The following PRKCA variants were observed in gnomAD, a reference collection of about 807,000 sequenced individuals.
PRKCA encodes the protein protein kinase C alpha.
PRKCA carries 27 observed loss-of-function variants against 87.0 expected under a neutral mutation model. The observed-to-expected ratio is 0.31, with a 90% CI of 0.23 to 0.43. The LOEUF is 0.43. Ranked by LOEUF, PRKCA falls within the 20% of genes least tolerant of loss-of-function variation. The pLI is 1.00. For synonymous variants in PRKCA, 329 were observed against 311.1 expected (o/e 1.06, Z -0.61); for missense variants, 518 against 852.3 (o/e 0.61, Z 4.88).
chr17:66,338,102 G>A (rs1306865769), intron 2 of PRKCA, among the ~76,000 whole-genome samples: 1 of 142,296 alleles, frequency 7.0e-6, no homozygotes, highest in African/African-American at 3.0e-5. Context: ...CTTGCTGAAT[G>A]ATTTCCTAAG....
At chr17:66,717,083 A>G (rs1160678997) in intron 8 of PRKCA, among the ~76,000 whole-genome samples, 1 of 152,192 alleles carries the variant, frequency 6.6e-6, no homozygotes, top group Non-Finnish European at 1.5e-5. Context: ...TGAGATTCTT[A>G]ATTGTCGCTG....
At chr17:66,467,239 G>T (rs1397758023) in intron 2 of PRKCA, among the ~76,000 whole-genome samples, 1 of 152,160 alleles carries the variant, frequency 6.6e-6, no homozygotes, top group Non-Finnish European at 1.5e-5. Flanking sequence ...CCAATACCAT[G>T]AGTGGTTAAA....
At chr17:66,480,955 A>G (rs1915752007) in intron 2 of PRKCA, among the ~76,000 whole-genome samples, 1 of 151,878 alleles carries the variant, frequency 6.6e-6, no homozygotes, top group Non-Finnish European at 1.5e-5. Context: ...CTCCGTCTCC[A>G]TAGTTTGCAT....
chr17:66,494,628 G>T (rs547065366), intron 2 of PRKCA, among the ~76,000 whole-genome samples: 1 of 152,280 alleles, frequency 6.6e-6, no homozygotes, highest in South Asian at 2.1e-4. Flanking sequence ...ACCACAGCAT[G>T]CAGTAAAGAC....
chr17:66,528,619 G>T (rs1048841571), intron 3 of PRKCA, among the ~76,000 whole-genome samples: 1 of 152,104 alleles, frequency 6.6e-6, no homozygotes, highest in Non-Finnish European at 1.5e-5. Flanking sequence ...AGGGGCCCCC[G>T]GAACTCTGCG....
intron 3 of PRKCA, among the ~76,000 whole-genome samples, chr17:66,522,266 A>G (rs1478225749): frequency 1.3e-5 from 2 of 152,254 alleles, no homozygotes. Flanking sequence ...GAACCTGACT[A>G]TGGCAGGATG....
chr17:66,553,428 T>G (rs1038846537), intron 3 of PRKCA, among the ~76,000 whole-genome samples: 1 of 152,200 alleles, frequency 6.6e-6, no homozygotes, highest in Non-Finnish European at 1.5e-5. Context: ...GCTCTCCTAC[T>G]GACGTTTTGG....
intron 3 of PRKCA, among the ~76,000 whole-genome samples, chr17:66,545,580 T>G (rs1266173776): frequency 6.6e-6 from 1 of 152,192 alleles, no homozygotes; most frequent in Non-Finnish European, 1.5e-5. Flanking sequence ...GCTAGATTAC[T>G]AGAGCTAAAA....
intron 2 of PRKCA, among the ~76,000 whole-genome samples, chr17:66,475,216 C>G (rs9898800): frequency 0.04 from 6,032 of 152,142 alleles, 354 homozygotes; most frequent in African/African-American, 0.13. Flanking sequence ...GGGCTTGGAA[C>G]CCTGAACCGT....
Position 66,441,674 on chromosome 17 carries a change from G to A in PRKCA, c.206-54527G>A, listed in dbSNP as rs180718005. Reference sequence around the variant, plus strand: ...GTGATCCCCTTTCTAAAGGAGGCACGGATAGCTGCTGTGCGGTTTTTTCAA... The same window carrying A: ...GTGATCCCCTTTCTAAAGGAGGCACAGATAGCTGCTGTGCGGTTTTTTCAA... On this transcript the variant is annotated intron_variant, in intron 2 of 16. Transcript: ENST00000413366. Among the ~76,000 whole-genome samples the A allele has an allele frequency of 1.3e-4, 20 of 152,258 alleles. No homozygotes were observed. In the East Asian group the frequency reaches 1.4e-3, roughly 10 times the overall value.
intron 3 of PRKCA, among the ~76,000 whole-genome samples, chr17:66,592,728 A>G (rs1193320353): frequency 6.6e-6 from 1 of 152,256 alleles, no homozygotes; most frequent in East Asian, 1.9e-4. Context: ...ACTGTGATGC[A>G]GTTGAATTAT....
At chr17:66,683,598 C>G (rs1241691327) in intron 5 of PRKCA, among the ~76,000 whole-genome samples, 2 of 151,716 alleles carry the variant, frequency 1.3e-5, no homozygotes, top group African/African-American at 4.8e-5. Context: ...GACTCCATAT[C>G]TTTTTTTGGG....
At chr17:66,399,802 G>A (rs1159789696) in intron 2 of PRKCA, among the ~76,000 whole-genome samples, 2 of 152,116 alleles carry the variant, frequency 1.3e-5, no homozygotes, top group African/African-American at 2.4e-5. Context: ...CCTTTTCAGG[G>A]CTGAATAATA....
chr17:66,552,389 G>T (rs1011876388), intron 3 of PRKCA, among the ~76,000 whole-genome samples: 1 of 152,110 alleles, frequency 6.6e-6, no homozygotes, highest in Admixed American at 6.5e-5. Context: ...TTATTTTCTC[G>T]CAGTTTCTGT....
chr17:66,496,194 C>T lies in PRKCA; in HGVS notation c.206-7C>T. On this transcript the variant is annotated splice_polypyrimidine_tract_variant and splice_region_variant and intron_variant, in intron 2 of 16. Coordinates refer to ENST00000413366, the MANE Select transcript of PRKCA (RefSeq NM_002737.3). ...ATTCTAATTTTAGTTTCCTTTTTCT[C>T]TACCAGTTTGCTGTTTTGTGGTCCA... 1 of 1,610,872 alleles carries T rather than the reference C, an allele frequency of 6.2e-7. No individual in the cohort carries two copies.
At chr17:66,457,792 G>A (rs1161826609) in intron 2 of PRKCA, among the ~76,000 whole-genome samples, 1 of 152,112 alleles carries the variant, frequency 6.6e-6, no homozygotes, top group African/African-American at 2.4e-5. Context: ...CCTCAGCCCT[G>A]CGGAACTGTG....
At chr17:66,615,915 C>T (rs1053564353) in intron 3 of PRKCA, among the ~76,000 whole-genome samples, 4 of 152,186 alleles carry the variant, frequency 2.6e-5, no homozygotes, top group Non-Finnish European at 5.9e-5. Context: ...AGGTGGATCT[C>T]TGGGACCTCT....
Position 66,803,842 on chromosome 17 carries a change from ACCTTTCCTT to A in PRKCA, c.1855-29_1855-21del. 6.2e-7 allele frequency: 1 copy of A among 1,609,316 alleles called. No individual in the cohort carries two copies. The highest frequency in any genetic ancestry group is 8.5e-7 in the Non-Finnish European group (1 of 1,176,836). On this transcript the variant is annotated intron_variant, in intron 16 of 16. Coordinates refer to ENST00000413366, the MANE Select transcript of PRKCA (RefSeq NM_002737.3). The surrounding 1 kb of genome is among the most constrained non-coding windows in gnomAD (Gnocchi z 4.4). ...TGCTCCCGCATTGTCATGTTGACTG[ACCTTTCCTT>A]CTTTTTGTCTTTTCTCCACAGTGTG...
At chr17:66,629,316 C>T (rs1970944484) in intron 3 of PRKCA, among the ~76,000 whole-genome samples, 1 of 152,156 alleles carries the variant, frequency 6.6e-6, no homozygotes, top group Non-Finnish European at 1.5e-5. Flanking sequence ...ATTTGAACTT[C>T]ATGACAAAAA....
Sources: allele counts gnomAD v4.1 joint callset (sites outside exome capture counted in the v4.1 genomes callset), GRCh38; gene constraint gnomAD v4.1.1; non-coding constraint Gnocchi (gnomAD v3.1); transcripts MANE v1.5; gene names NCBI Gene and HGNC (gene_info 2026-07-23, HGNC 2026-07-21).